The following HIBADH variants were observed in gnomAD, a reference collection of about 807,000 sequenced individuals.
HIBADH encodes 3-hydroxyisobutyrate dehydrogenase, mitochondrial.
In HIBADH, 25 loss-of-function variants were observed where a neutral mutation model predicts 36.1. The ratio of observed to expected loss-of-function variants is 0.69; its 90% CI spans 0.50 to 0.97. The LOEUF is 0.97. Among genes scored for constraint, HIBADH ranks in the 50% least tolerant of loss-of-function variants. The pLI is 0.00. For missense variants in HIBADH, 421 were observed against 418.0 expected, an observed-to-expected ratio of 1.01 and a Z score of -0.06; for synonymous variants, 160 against 149.5, an observed-to-expected ratio of 1.07 and a Z score of -0.51.
At position 27,649,496 on chromosome 7, in the gene HIBADH, C is replaced by A; in HGVS notation, c.229G>T (p.Glu77Ter). The A allele has an allele frequency of 6.2e-7, 1 of 1,612,796 alleles. No homozygotes were observed. Among genetic ancestry groups the A allele is most frequent in the East Asian group, 2.2e-5 (1 of 44,866 alleles). ...IYDVFPDACK[E>*]FQDAGEQVVS... Reference sequence around the variant, plus strand: ...ACCTGTTCACCTGCATCTTGAAACTCTTTGCAGGCATCAGGGAACACATCA... The same window carrying A: ...ACCTGTTCACCTGCATCTTGAAACTATTTGCAGGCATCAGGGAACACATCA... The change falls in exon 2 of 8, where the codon GAG becomes TAG. Residue 77 changes from glutamate to a stop codon, truncating the protein, a stop_gained. Coordinates refer to ENST00000265395, the MANE Select transcript of HIBADH (RefSeq NM_152740.4). LOFTEE classifies it high-confidence loss of function.
chr7:27,636,798 G>A (rs1013203749), intron 2 of HIBADH, among the ~76,000 whole-genome samples: 2 of 152,172 alleles, frequency 1.3e-5, no homozygotes, highest in Non-Finnish European at 2.9e-5. Flanking sequence ...AAGTTAAAAA[G>A]AAAAACCAGT....
intron 4 of HIBADH, among the ~76,000 whole-genome samples, chr7:27,589,836 A>C (rs2128288817): frequency 6.6e-6 from 1 of 152,310 alleles, no homozygotes; most frequent in South Asian, 2.1e-4. Flanking sequence ...CCCAAGTCAT[A>C]CAACTAGTAA....
At chr7:27,547,873 A>G (rs1248811935) in intron 4 of HIBADH, among the ~76,000 whole-genome samples, 1 of 152,100 alleles carries the variant, frequency 6.6e-6, no homozygotes, top group Non-Finnish European at 1.5e-5. Context: ...GAAAAAAGAA[A>G]ATTTTCTCAT....
intron 5 of HIBADH, among the ~76,000 whole-genome samples, chr7:27,538,946 A>G (rs1784108009): frequency 6.6e-6 from 1 of 152,156 alleles, no homozygotes. Flanking sequence ...GGGTAAATAT[A>G]TAAGAAGGAT....
chr7:27,641,176 T>A (rs980433863), intron 2 of HIBADH, among the ~76,000 whole-genome samples: 2 of 149,724 alleles, frequency 1.3e-5, no homozygotes, highest in Non-Finnish European at 3.0e-5. Flanking sequence ...ACTCTTCCAA[T>A]ACATGAAACA....
chr7:27,652,913 G>A (rs1055234846), intron 1 of HIBADH, among the ~76,000 whole-genome samples: 3 of 152,162 alleles, frequency 2.0e-5, no homozygotes, highest in Admixed American at 1.3e-4. Context: ...TGGATCACCT[G>A]AGGTCAGGAG....
intron 4 of HIBADH, among the ~76,000 whole-genome samples, chr7:27,586,887 C>A (rs1784872985): frequency 6.6e-6 from 1 of 152,226 alleles, no homozygotes; most frequent in Non-Finnish European, 1.5e-5. Context: ...CTAACAGGGC[C>A]ACTGGCTGTC....
At chr7:27,639,277 T>C (rs937215539) in intron 2 of HIBADH, among the ~76,000 whole-genome samples, 5 of 152,210 alleles carry the variant, frequency 3.3e-5, no homozygotes, top group Admixed American at 3.3e-4. Flanking sequence ...AATGAGATCA[T>C]GGCCTTTACA....
intron 4 of HIBADH, among the ~76,000 whole-genome samples, chr7:27,575,805 T>C (rs190484330): frequency 1.3e-5 from 2 of 152,290 alleles, no homozygotes; most frequent in African/African-American, 4.8e-5. Flanking sequence ...ACAGTTTTTA[T>C]CATGTAAGTA....
At chr7:27,542,563 C>A (rs1248106935) in intron 5 of HIBADH, among the ~76,000 whole-genome samples, 3 of 151,188 alleles carry the variant, frequency 2.0e-5, no homozygotes, top group Non-Finnish European at 4.4e-5. Context: ...GTGATCCCCC[C>A]ACCTCAGCCT....
At chr7:27,641,207 T>C (rs866019252) in intron 2 of HIBADH, among the ~76,000 whole-genome samples, 61 of 54,968 alleles carry the variant, frequency 1.1e-3, no homozygotes, top group African/African-American at 6.1e-3. Flanking sequence ...AGTTTTTGCT[T>C]TCAAAAAAAA....
intron 5 of HIBADH, 33 bp from the exon 6 acceptor site, chr7:27,538,450 G>A (rs1252488482): frequency 1.9e-6 from 3 of 1,572,200 alleles, no homozygotes; most frequent in Non-Finnish European, 2.6e-6. Context: ...TTAAATATCT[G>A]TATTTTCAAG....
At chr7:27,641,706 C>T (rs1317637374) in intron 2 of HIBADH, among the ~76,000 whole-genome samples, 3 of 152,200 alleles carry the variant, frequency 2.0e-5, no homozygotes, top group Non-Finnish European at 4.4e-5. Flanking sequence ...TAGGAAATCA[C>T]ACTTGTTCTG....
rs752847248 is a variant in HIBADH at position 27,632,318 on chromosome 7, C to A, written c.362+18G>T. 1 of 1,436,748 alleles carries A rather than the reference C, an allele frequency of 7.0e-7. No individual in the cohort carries two copies. The highest frequency in any genetic ancestry group is 9.8e-7 in the Non-Finnish European group (1 of 1,019,994). 89.0% of individuals were successfully genotyped at this position (1,436,748 alleles called of 1,614,324 possible). On this transcript the variant is annotated intron_variant, in intron 3 of 7. Coordinates refer to ENST00000265395, the MANE Select transcript of HIBADH (RefSeq NM_152740.4). ...AACTATCATAACAAGAAAATATCCACAGGTGAGAAATACATACTTTAGAAT... is the reference window on the plus strand; with the variant it reads ...AACTATCATAACAAGAAAATATCCAAAGGTGAGAAATACATACTTTAGAAT...
intron 4 of HIBADH, among the ~76,000 whole-genome samples, chr7:27,571,650 C>A (rs1210241218): frequency 6.6e-6 from 1 of 151,922 alleles, no homozygotes; most frequent in Non-Finnish European, 1.5e-5. Context: ...ACCTGTCTCC[C>A]TTTGTGTCTG....
intron 4 of HIBADH, among the ~76,000 whole-genome samples, 199 bp downstream of exon 4, chr7:27,629,172 T>C (rs1488415281): frequency 6.6e-6 from 1 of 152,056 alleles, no homozygotes; most frequent in Admixed American, 6.5e-5. Context: ...TGACACTTTT[T>C]TATCTGAATT....
intron 4 of HIBADH, among the ~76,000 whole-genome samples, chr7:27,574,487 A>G (rs1383298680): frequency 1.3e-5 from 2 of 152,022 alleles, no homozygotes; most frequent in Non-Finnish European, 2.9e-5. Flanking sequence ...AGTACATTCC[A>G]AACTCCAAAC....
intron 5 of HIBADH, among the ~76,000 whole-genome samples, chr7:27,540,084 G>A (rs940246739): frequency 2.0e-5 from 3 of 151,998 alleles, no homozygotes; most frequent in African/African-American, 7.2e-5. Context: ...TAACTTTATG[G>A]AAATTGTAAT....
In HIBADH at chr7:27,603,287, T is replaced by TAA. The variant is rs542432657; in HGVS notation, c.484+26082_484+26083dup. ...ATGATGCTGCTGCATTTTACCAGGC[T>TAA]AACTCAGGTTGGGCACAATTTCATT... On this transcript the variant is annotated intron_variant, in intron 4 of 7. Coordinates refer to ENST00000265395, the MANE Select transcript of HIBADH (RefSeq NM_152740.4). 2.5e-3 allele frequency among the ~76,000 whole-genome samples: 375 copies of TAA among 152,320 alleles called. 3 individuals carry two copies. In the South Asian group the frequency reaches 0.025, roughly 10 times the overall value.
Sources: allele counts gnomAD v4.1 joint callset (sites outside exome capture counted in the v4.1 genomes callset), GRCh38; gene constraint gnomAD v4.1.1; transcripts MANE v1.5; gene names NCBI Gene and HGNC (gene_info 2026-07-23, HGNC 2026-07-21).